ME1: variants seen among roughly 807,000 people sequenced by gnomAD.
ME1 encodes malic enzyme 1.
ME1 carries 74 observed loss-of-function variants against 66.4 expected under a neutral mutation model. The observed-to-expected ratio is 1.11, with a 90% CI of 0.92 to 1.35. The LOEUF is 1.35. Among genes scored for constraint, ME1 ranks in the 40% most tolerant of loss-of-function variants. The pLI, the probability that ME1 is intolerant of heterozygous loss-of-function variation, is 0.00. For synonymous variants in ME1, 251 were observed against 235.6 expected, an observed-to-expected ratio of 1.07 and a Z score of -0.60; for missense variants, 750 against 694.1, an observed-to-expected ratio of 1.08 and a Z score of -0.90.
At chr6:83,329,584 A>T (rs1768366316) in intron 5 of ME1, among the ~76,000 whole-genome samples, 3 of 152,204 alleles carry the variant, frequency 2.0e-5, no homozygotes. Flanking sequence ...CAATAAATTC[A>T]TATCTGTACC....
At chr6:83,398,306 T>C (rs1480146001) in intron 3 of ME1, 61 bp downstream of exon 3, 10 of 1,194,880 alleles carry the variant, frequency 8.4e-6, no homozygotes, top group Admixed American at 2.7e-5. Flanking sequence ...TTTAAATTCG[T>C]TAAAAAACTT....
intron 5 of ME1, among the ~76,000 whole-genome samples, chr6:83,321,438 G>C (rs943680120): frequency 4.6e-5 from 7 of 152,236 alleles, no homozygotes; most frequent in African/African-American, 1.7e-4. Context: ...ACAGCAGTCA[G>C]ACCTGGGACA....
intron 6 of ME1, among the ~76,000 whole-genome samples, chr6:83,281,575 G>A (rs894252974): frequency 1.5e-4 from 23 of 152,014 alleles, no homozygotes; most frequent in Non-Finnish European, 1.0e-4. Context: ...GGAGGCAGGT[G>A]TGGGCCCATC....
intron 6 of ME1, among the ~76,000 whole-genome samples, chr6:83,304,798 G>A (rs1415349414): frequency 1.3e-5 from 2 of 152,060 alleles, no homozygotes; most frequent in Non-Finnish European, 2.9e-5. Flanking sequence ...TGATTATTTT[G>A]TTCTTACATT....
intron 9 of ME1, among the ~76,000 whole-genome samples, chr6:83,236,322 A>G (rs1157957326): frequency 6.6e-6 from 1 of 152,196 alleles, no homozygotes; most frequent in African/African-American, 2.4e-5. Flanking sequence ...TCTCCATGAG[A>G]TAGATTCTTT....
intron 6 of ME1, among the ~76,000 whole-genome samples, chr6:83,262,833 T>C (rs1035853653): frequency 2.0e-5 from 3 of 152,216 alleles, no homozygotes; most frequent in Admixed American, 1.3e-4. Flanking sequence ...TTTGGTAATG[T>C]AGTAAGATAC....
At chr6:83,251,148 T>C (rs148875170) in intron 7 of ME1, among the ~76,000 whole-genome samples, 4 of 152,328 alleles carry the variant, frequency 2.6e-5, no homozygotes, top group South Asian at 4.1e-4. Context: ...ACCCACGTTC[T>C]CTGCCTTCGC....
intron 6 of ME1, among the ~76,000 whole-genome samples, chr6:83,304,948 C>T (rs927047622): frequency 6.6e-6 from 1 of 152,146 alleles, no homozygotes; most frequent in African/African-American, 2.4e-5. Context: ...AACTTTAGAA[C>T]TAACCTCTAA....
chr6:83,223,715 C>A, intron 12 of ME1, 45 bp downstream of exon 12: 2 of 1,564,762 alleles, frequency 1.3e-6, no homozygotes, highest in Non-Finnish European at 1.8e-6. Flanking sequence ...GCTGAGCACA[C>A]TTGGTATTTT....
At chr6:83,417,463 C>T (rs1770184754) in intron 1 of ME1, among the ~76,000 whole-genome samples, 1 of 152,102 alleles carries the variant, frequency 6.6e-6, no homozygotes, top group Non-Finnish European at 1.5e-5. Context: ...TCATTGCAAC[C>T]TCCGCCACCC....
At chr6:83,281,016 A>G (rs1196183706) in intron 6 of ME1, among the ~76,000 whole-genome samples, 1 of 152,258 alleles carries the variant, frequency 6.6e-6, no homozygotes, top group East Asian at 1.9e-4. Flanking sequence ...GAAGTCTACT[A>G]TATTGTTTTG....
At chr6:83,356,104 C>T (rs1210948699) in intron 3 of ME1, among the ~76,000 whole-genome samples, 1 of 152,038 alleles carries the variant, frequency 6.6e-6, no homozygotes, top group East Asian at 1.9e-4. Flanking sequence ...AAGTTTATTT[C>T]GTATCAAGAT....
intron 3 of ME1, among the ~76,000 whole-genome samples, chr6:83,395,245 G>A (rs1318034641): frequency 6.6e-6 from 1 of 151,586 alleles, no homozygotes; most frequent in South Asian, 2.1e-4. Flanking sequence ...CTACCACCAC[G>A]CTCAGCAATT....
intron 5 of ME1, among the ~76,000 whole-genome samples, chr6:83,344,495 A>C (rs1239319653): frequency 6.6e-6 from 1 of 152,034 alleles, no homozygotes; most frequent in Non-Finnish European, 1.5e-5. Flanking sequence ...AGGTGGGAGA[A>C]TCACATGAGT....
chr6:83,270,266 T>A (rs1767060101), intron 6 of ME1, among the ~76,000 whole-genome samples: 1 of 152,156 alleles, frequency 6.6e-6, no homozygotes, highest in Admixed American at 6.6e-5. Flanking sequence ...TTACATTCTA[T>A]ATGTTCTAAA....
chr6:83,281,774 C>T lies in ME1; in HGVS notation c.705-28036G>A, dbSNP rs374980056. Among the ~76,000 whole-genome samples, 12 of 117,060 alleles carry T rather than the reference C, an allele frequency of 1.0e-4. 1 individual carries two copies. The South Asian group carries it at 1.1e-3, about 11-fold the overall frequency. The allele number at this position is 117,060 out of a possible 152,430, so 76.8% of individuals were successfully genotyped here. A position where few individuals can be genotyped will look rare whatever the true frequency, so the allele number is the denominator to read the frequency against. On this transcript the variant is annotated intron_variant, in intron 6 of 13. Coordinates refer to ENST00000369705, the MANE Select transcript of ME1 (RefSeq NM_002395.6). ...TGAGCCAACATTGTGCCACTGCACT[C>T]GAGCCTGGGTGACAGACTGAGACTC...
intron 3 of ME1, among the ~76,000 whole-genome samples, chr6:83,360,194 T>C (rs953685005): frequency 6.6e-6 from 1 of 152,188 alleles, no homozygotes; most frequent in African/African-American, 2.4e-5. Flanking sequence ...CCAGATCCCC[T>C]GGAGGAAGGA....
rs549250168 is a variant in ME1, at chr6:83,328,304, C to A, written c.601-12891G>T. On this transcript the variant is annotated intron_variant, in intron 5 of 13. Coordinates refer to ENST00000369705, the MANE Select transcript of ME1 (RefSeq NM_002395.6). ...ACACAGGGAGGGGAACATCACACAG[C>A]GGGGCATGTCAGGGGGTGGAAGGCA... is the stretch of plus-strand genomic sequence containing the variant. Among the ~76,000 whole-genome samples the A allele has an allele frequency of 3.3e-5, 5 of 151,842 alleles. No individual in the cohort carries two copies. The East Asian group carries it at 7.8e-4, about 24-fold the overall frequency.
intron 7 of ME1, among the ~76,000 whole-genome samples, chr6:83,250,140 T>C (rs914967020): frequency 1.3e-5 from 2 of 151,856 alleles, no homozygotes; most frequent in Non-Finnish European, 2.9e-5. Context: ...TCATAGTCCG[T>C]TGGCTCTCTA....
Sources: allele counts gnomAD v4.1 joint callset (sites outside exome capture counted in the v4.1 genomes callset), GRCh38; gene constraint gnomAD v4.1.1; transcripts MANE v1.5; gene names NCBI Gene and HGNC (gene_info 2026-07-23, HGNC 2026-07-21).